FOXP1: variants seen among roughly 807,000 people sequenced by gnomAD.
FOXP1 encodes the protein forkhead box protein P1.
Under a neutral mutation model 98.2 loss-of-function variants are expected in FOXP1, and 15 were observed. The observed-to-expected ratio is 0.15, with a 90% confidence interval of 0.10 to 0.24. The LOEUF (loss-of-function observed/expected upper bound fraction) is 0.24. Among genes scored for constraint, FOXP1 ranks in the 10% least tolerant of loss-of-function variants. FOXP1 has a pLI of 1.00. For synonymous variants in FOXP1, 371 were observed against 314.5 expected (o/e 1.18, Z -1.90); for missense variants, 633 against 848.5 (o/e 0.75, Z 3.15).
intron 3 of FOXP1, among the ~76,000 whole-genome samples, chr3:71,479,506 C>A (rs959402646): frequency 6.6e-6 from 1 of 151,812 alleles, no homozygotes; most frequent in South Asian, 2.1e-4. Context: ...TGTTGAAACT[C>A]CGTCTCTACT....
chr3:71,313,350 C>G (rs886432072), intron 4 of FOXP1, among the ~76,000 whole-genome samples: 1 of 151,212 alleles, frequency 6.6e-6, no homozygotes, highest in African/African-American at 2.4e-5. Context: ...TGAGCCACTG[C>G]GCCCGGCCAA....
intron 2 of FOXP1, among the ~76,000 whole-genome samples, chr3:71,575,747 C>G (rs937889759): frequency 6.6e-6 from 1 of 152,156 alleles, no homozygotes; most frequent in African/African-American, 2.4e-5. Context: ...ATAACAAAGC[C>G]CTGTATCATT....
At chr3:71,184,863 C>A (rs2062552197) in intron 6 of FOXP1, among the ~76,000 whole-genome samples, 1 of 151,578 alleles carries the variant, frequency 6.6e-6, no homozygotes, top group South Asian at 2.1e-4. Flanking sequence ...ATCAAATTCA[C>A]AAAGGAGGGG....
chr3:71,559,079 C>T (rs2046358424), intron 2 of FOXP1, among the ~76,000 whole-genome samples: 2 of 152,228 alleles, frequency 1.3e-5, no homozygotes, highest in African/African-American at 4.8e-5. Flanking sequence ...GCCATTCTCA[C>T]TCTTAAGAGA....
Position 70,977,856 on chromosome 3 carries a change from T to C in FOXP1, c.1320A>G (p.Ser440=), listed in dbSNP as rs779034322. The change falls in exon 15 of 21, where the codon TCA becomes TCG. Residue 440 remains serine (S), a synonymous_variant. Coordinates refer to ENST00000649528, the MANE Select transcript of FOXP1 (RefSeq NM_001349338.3). ...HTVGPIRRRY[S]DKYNVPISSA... ...ACGAAATGGGCACGTTGTATTTGTC[T>C]GAGTACCGCCTGCGGATGGGTCCCA... The C allele has an allele frequency of 6.2e-7, 1 of 1,614,098 alleles. No homozygotes were observed. Among genetic ancestry groups the C allele is most frequent in the African/African-American group, 1.3e-5 (1 of 74,938 alleles).
At chr3:71,218,757 T>C (rs977182511) in intron 5 of FOXP1, among the ~76,000 whole-genome samples, 1 of 152,232 alleles carries the variant, frequency 6.6e-6, no homozygotes. Flanking sequence ...AGGCGACAGC[T>C]GGATTCAGCG....
At chr3:71,384,376 T>C (rs1249301478) in intron 3 of FOXP1, among the ~76,000 whole-genome samples, 1 of 152,162 alleles carries the variant, frequency 6.6e-6, no homozygotes, top group African/African-American at 2.4e-5. Context: ...TTTCTAACTC[T>C]GAGAGAAGAG....
intron 6 of FOXP1, among the ~76,000 whole-genome samples, chr3:71,185,164 G>T (rs985076383): frequency 6.6e-6 from 1 of 151,946 alleles, no homozygotes; most frequent in Non-Finnish European, 1.5e-5. Flanking sequence ...TTGCACTCTA[G>T]ACTGGATGAC....
intron 2 of FOXP1, among the ~76,000 whole-genome samples, chr3:71,562,888 T>C: frequency 6.6e-6 from 1 of 152,214 alleles, no homozygotes; most frequent in East Asian, 1.9e-4. Context: ...GGCCCATTCC[T>C]TTGTCTCTAT....
intron 5 of FOXP1, among the ~76,000 whole-genome samples, chr3:71,229,991 C>T (rs1277243405): frequency 1.3e-5 from 2 of 152,060 alleles, no homozygotes; most frequent in Non-Finnish European, 2.9e-5. Context: ...GCGCTGCAAC[C>T]TCCAGGACTC....
In FOXP1 at chr3:71,515,085, A is replaced by G. The variant is rs78122571; in HGVS notation, c.-297-21530T>C. Among the ~76,000 whole-genome samples, 1,009 of 152,290 alleles carry G rather than the reference A, an allele frequency of 6.6e-3. 14 individuals carry two copies. Among genetic ancestry groups the G allele is most frequent in the African/African-American group, 0.023 (966 of 41,560 alleles). ...GCTATCTGCTTTCAAGTTTAACTCAAAAAGTTTAGTTTGTGAATTTTACGA... is the reference window on the plus strand; with the variant it reads ...GCTATCTGCTTTCAAGTTTAACTCAGAAAGTTTAGTTTGTGAATTTTACGA... On this transcript the variant is annotated intron_variant, in intron 2 of 20. Transcript: ENST00000649528.
intron 14 of FOXP1, among the ~76,000 whole-genome samples, chr3:70,979,889 A>C (rs959832328): frequency 6.6e-6 from 1 of 152,208 alleles, no homozygotes; most frequent in Non-Finnish European, 1.5e-5. Flanking sequence ...TATCATGAAG[A>C]AATACTAATG....
chr3:71,556,344 G>A (rs185224909), intron 2 of FOXP1, among the ~76,000 whole-genome samples: 53 of 152,108 alleles, frequency 3.5e-4, no homozygotes, highest in African/African-American at 1.1e-3. Context: ...TTGGGAGGCC[G>A]ACGTGAGCAG....
intron 6 of FOXP1, among the ~76,000 whole-genome samples, chr3:71,170,249 CAAAA>C (rs2061584261): frequency 2.0e-5 from 3 of 152,156 alleles, no homozygotes; most frequent in African/African-American, 7.2e-5. Context: ...AAGTGAACTG[CAAAA>C]CACTTAGCGG....
At chr3:70,966,179 G>T in intron 19 of FOXP1, 123 bp from the exon 20 acceptor site, 9 of 876,878 alleles carry the variant, frequency 1.0e-5, no homozygotes, top group Middle Eastern at 3.1e-4. Context: ...GCAAATACAA[G>T]TTTCTAAGAG....
At chr3:70,975,786 T>C (rs1025258861) in intron 17 of FOXP1, among the ~76,000 whole-genome samples, 1 of 152,156 alleles carries the variant, frequency 6.6e-6, no homozygotes, top group Non-Finnish European at 1.5e-5. Flanking sequence ...GCAAGAATAT[T>C]AGACACCAAG....
chr3:71,396,153 G>A (rs1419170861), intron 3 of FOXP1, among the ~76,000 whole-genome samples: 1 of 152,040 alleles, frequency 6.6e-6, no homozygotes, highest in South Asian at 2.1e-4. Flanking sequence ...AGTCTAACTT[G>A]AACTCTGCTA....
intron 7 of FOXP1, among the ~76,000 whole-genome samples, chr3:71,075,231 T>A (rs1467566828): frequency 6.6e-6 from 1 of 152,218 alleles, no homozygotes; most frequent in Non-Finnish European, 1.5e-5. Context: ...TTCAGTTTCC[T>A]CATCTATAAA....
intron 7 of FOXP1, among the ~76,000 whole-genome samples, chr3:71,091,614 T>G (rs2055857879): frequency 6.6e-6 from 1 of 151,888 alleles, no homozygotes; most frequent in Non-Finnish European, 1.5e-5. Flanking sequence ...CTCCAAAGAG[T>G]TACCAAATTA....
Sources: allele counts gnomAD v4.1 joint callset (sites outside exome capture counted in the v4.1 genomes callset), GRCh38; gene constraint gnomAD v4.1.1; transcripts MANE v1.5; gene names NCBI Gene and HGNC (gene_info 2026-07-23, HGNC 2026-07-21).